The following DIP2C variants were observed in gnomAD, a reference collection of about 807,000 sequenced individuals.
DIP2C encodes disco-interacting protein 2 homolog C.
Under a neutral mutation model 192.4 loss-of-function variants are expected in DIP2C, and 33 were observed. That is an observed-to-expected ratio of 0.17 (90% CI 0.13 to 0.23). The LOEUF (loss-of-function observed/expected upper bound fraction) is 0.23, where lower values mean the gene tolerates loss of function less well. DIP2C is among the 10% of genes least tolerant of loss of function. The pLI is 1.00. For synonymous variants in DIP2C, 979 were observed against 864.1 expected (o/e 1.13, Z -2.33); for missense variants, 1,537 against 2,110.1 (o/e 0.73, Z 5.32).
At chr10:427,782 GA>G in intron 4 of DIP2C, among the ~76,000 whole-genome samples, 1 of 152,204 alleles carries the variant, frequency 6.6e-6, no homozygotes, top group East Asian at 1.9e-4. Flanking sequence ...ATGATGTGGA[GA>G]AACTGGGATG....
intron 1 of DIP2C, among the ~76,000 whole-genome samples, chr10:589,179 G>GT (rs1464450221): frequency 9.9e-5 from 15 of 152,136 alleles, no homozygotes; most frequent in Admixed American, 9.2e-4. Flanking sequence ...AAGTCAGGTG[G>GT]TTTGTTCTCT....
chr10:511,942 T>C (rs568736477), intron 1 of DIP2C, among the ~76,000 whole-genome samples: 21 of 152,344 alleles, frequency 1.4e-4, no homozygotes, highest in Admixed American at 3.9e-4. Context: ...GCTGCCTGGC[T>C]GGCCGACTGC....
chr10:419,644 C>G (rs968846324), intron 5 of DIP2C, among the ~76,000 whole-genome samples: 1 of 152,050 alleles, frequency 6.6e-6, no homozygotes, highest in Non-Finnish European at 1.5e-5. Context: ...TCAGTTTCTT[C>G]GTCAAATGGG....
intron 1 of DIP2C, among the ~76,000 whole-genome samples, chr10:535,194 A>G (rs1033116729): frequency 6.6e-6 from 1 of 151,948 alleles, no homozygotes; most frequent in African/African-American, 2.4e-5. Flanking sequence ...TGTTCAGGAG[A>G]AGGTGGCACC....
chr10:510,343 G>A (rs1354666981), intron 1 of DIP2C, among the ~76,000 whole-genome samples: 1 of 152,168 alleles, frequency 6.6e-6, no homozygotes, highest in Middle Eastern at 3.2e-3. Context: ...GGGTCTCAGG[G>A]GCTGGGTATT....
At chr10:317,955 G>A (rs1956847665) in intron 31 of DIP2C, among the ~76,000 whole-genome samples, 1 of 152,210 alleles carries the variant, frequency 6.6e-6, no homozygotes, top group Admixed American at 6.5e-5. Flanking sequence ...CAGAGAAAGA[G>A]GAGGCATCGC....
At chr10:501,263 G>A (rs1486175530) in intron 1 of DIP2C, among the ~76,000 whole-genome samples, 2 of 152,184 alleles carry the variant, frequency 1.3e-5, no homozygotes, top group African/African-American at 4.8e-5. Flanking sequence ...ACTTTAGTTT[G>A]TGGAAACATC....
At chr10:497,118 C>G (rs1054272813) in intron 1 of DIP2C, among the ~76,000 whole-genome samples, 2 of 152,044 alleles carry the variant, frequency 1.3e-5, no homozygotes, top group Admixed American at 6.6e-5. Flanking sequence ...GAGCAAGACT[C>G]CACCTCGAAA....
chr10:431,137 T>C (rs957706211), intron 4 of DIP2C, among the ~76,000 whole-genome samples: 7 of 152,356 alleles, frequency 4.6e-5, no homozygotes, highest in African/African-American at 1.4e-4. Context: ...TGAAGTTGCA[T>C]AGTGTCAGTC....
At chr10:650,088 T>C (rs1371121863) in intron 1 of DIP2C, 2 of 715,948 alleles carry the variant, frequency 2.8e-6, no homozygotes, top group Middle Eastern at 2.4e-4. Flanking sequence ...GGAGAGAAAA[T>C]AGCTTGACAC....
chr10:492,540 CATT>C (rs971112358), intron 1 of DIP2C, among the ~76,000 whole-genome samples: 1 of 152,188 alleles, frequency 6.6e-6, no homozygotes, highest in African/African-American at 2.4e-5. Context: ...TAATAAAAAA[CATT>C]ATTTATTGTT....
intron 1 of DIP2C, among the ~76,000 whole-genome samples, chr10:620,340 A>G (rs1241224082): frequency 6.6e-6 from 1 of 152,128 alleles, no homozygotes; most frequent in East Asian, 1.9e-4. Context: ...TTCACAAGCA[A>G]GCAGTCAGAG....
At chr10:384,733 A>T in intron 14 of DIP2C, 94 bp from the exon 15 acceptor site, 1 of 1,266,456 alleles carries the variant, frequency 7.9e-7, no homozygotes, top group Non-Finnish European at 1.1e-6. Flanking sequence ...CCGCACGGGC[A>T]GGGGGGAGCT....
chr10:529,131 G>C (rs899078852), intron 1 of DIP2C, among the ~76,000 whole-genome samples: 1 of 152,168 alleles, frequency 6.6e-6, no homozygotes, highest in African/African-American at 2.4e-5. Flanking sequence ...CCCACAATCT[G>C]AACATTCTTC....
At chr10:310,200 A>G (rs1459663560) in intron 31 of DIP2C, 108 bp from the exon 32 acceptor site, 6 of 1,117,846 alleles carry the variant, frequency 5.4e-6, no homozygotes, top group East Asian at 4.7e-5. Flanking sequence ...AAAGTGAAAA[A>G]TAAAACTAAA....
chr10:589,969 T>C (rs911855485), intron 1 of DIP2C, among the ~76,000 whole-genome samples: 1 of 152,222 alleles, frequency 6.6e-6, no homozygotes, highest in Non-Finnish European at 1.5e-5. Flanking sequence ...TAAATCACCG[T>C]ATCAAGATTC....
At chr10:497,495 G>A (rs1844918830) in intron 1 of DIP2C, among the ~76,000 whole-genome samples, 1 of 152,202 alleles carries the variant, frequency 6.6e-6, no homozygotes, top group Non-Finnish European at 1.5e-5. Context: ...GGGCAGCTCT[G>A]GACAGGGAGA....
Position 626,183 on chromosome 10 carries a change from A to G in DIP2C, c.85+63311T>C, listed in dbSNP as rs189964159. Among the ~76,000 whole-genome samples the G allele has an allele frequency of 1.1e-3, 173 of 152,330 alleles. 1 individual carries two copies. Among genetic ancestry groups the G allele is most frequent in the African/African-American group, 3.5e-3 (146 of 41,572 alleles). On this transcript the variant is annotated intron_variant, in intron 1 of 36. Transcript: ENST00000280886. Reference sequence around the variant, plus strand: ...ATGACATGCTAGAGTCCAGGCCTCCATGTGCACCTGTGACGGGGACAGTCA... The same window carrying G: ...ATGACATGCTAGAGTCCAGGCCTCCGTGTGCACCTGTGACGGGGACAGTCA...
intron 28 of DIP2C, among the ~76,000 whole-genome samples, 182 bp from the exon 29 acceptor site, chr10:341,511 C>T (rs1564582993): frequency 6.6e-6 from 1 of 150,984 alleles, no homozygotes; most frequent in Non-Finnish European, 1.5e-5. Context: ...GGACCTGACA[C>T]CCTCAGAAAC....
Sources: allele counts gnomAD v4.1 joint callset (sites outside exome capture counted in the v4.1 genomes callset), GRCh38; gene constraint gnomAD v4.1.1; transcripts MANE v1.5; gene names NCBI Gene and HGNC (gene_info 2026-07-23, HGNC 2026-07-21).